Variants in TRIO observed in about 807,000 individuals in gnomAD.
TRIO encodes the protein trio Rho guanine nucleotide exchange factor.
Under a neutral mutation model 351.9 loss-of-function variants are expected in TRIO, and 58 were observed. The ratio of observed to expected loss-of-function variants is 0.16; its 90% CI spans 0.13 to 0.21. The LOEUF (loss-of-function observed/expected upper bound fraction) is 0.21. TRIO is among the 10% of genes least tolerant of loss of function. The pLI is 1.00. For synonymous variants in TRIO, 1,758 were observed against 1,595.7 expected, an observed-to-expected ratio of 1.10 and a Z score of -2.42; for missense variants, 3,201 against 4,027.8, an observed-to-expected ratio of 0.79 and a Z score of 5.56.
intron 53 of TRIO, among the ~76,000 whole-genome samples, chr5:14,501,966 T>C (rs887888883): frequency 8.5e-5 from 13 of 152,234 alleles, no homozygotes; most frequent in Non-Finnish European, 1.8e-4. Context: ...TGCTTTCTGT[T>C]CCTGTGGACA....
intron 11 of TRIO, among the ~76,000 whole-genome samples, 154 bp from the exon 12 acceptor site, chr5:14,358,024 C>CGT (rs1464619047): frequency 6.6e-6 from 1 of 152,130 alleles, no homozygotes; most frequent in African/African-American, 2.4e-5. Context: ...CCCTCCCTCC[C>CGT]GTCCTTCCTT....
intron 1 of TRIO, 43 bp from the exon 2 acceptor site, chr5:14,270,782 C>T (rs757602703): frequency 6.5e-7 from 1 of 1,532,084 alleles, no homozygotes; most frequent in Non-Finnish European, 9.0e-7. Context: ...TTAACTGTCA[C>T]TCTGGCAACC....
chr5:14,389,415 T>C lies in TRIO; in HGVS notation c.4058+17T>C. On this transcript the variant is annotated intron_variant, in intron 25 of 56. Transcript: ENST00000344204. ...TCATAATAAGTGAGTGGCTTTTTCT[T>C]TGGGAGCAGTTACGCTTGAAATCCA... 1 of 1,572,916 alleles carries C rather than the reference T, an allele frequency of 6.4e-7. No individual in the cohort carries two copies. The highest frequency in any genetic ancestry group is 2.3e-5 in the East Asian group (1 of 43,844).
intron 13 of TRIO, among the ~76,000 whole-genome samples, chr5:14,362,490 C>T (rs1324310422): frequency 1.3e-5 from 2 of 152,088 alleles, no homozygotes; most frequent in Non-Finnish European, 1.5e-5. Flanking sequence ...CTCCTTTGTC[C>T]TCCTCCTCTT....
chr5:14,351,429 T>C (rs1349676812), intron 11 of TRIO, among the ~76,000 whole-genome samples: 1 of 152,224 alleles, frequency 6.6e-6, no homozygotes, highest in Middle Eastern at 3.2e-3. Flanking sequence ...GCAGCAGCTC[T>C]GGGAAGCTGT....
chr5:14,235,285 A>G (rs531691441), intron 1 of TRIO, among the ~76,000 whole-genome samples: 51 of 152,334 alleles, frequency 3.3e-4, no homozygotes, highest in African/African-American at 7.5e-4. Context: ...AACTTCATTA[A>G]TACAAACTAA....
intron 34 of TRIO, chr5:14,420,647 C>CGGTGG (rs1326765745): frequency 6.5e-6 from 1 of 153,074 alleles, no homozygotes; most frequent in African/African-American, 2.4e-5. Context: ...TTTGGAACAG[C>CGGTGG]GGTGGGCTTC....
At chr5:14,145,341 C>T (rs879475838) in intron 1 of TRIO, among the ~76,000 whole-genome samples, 1 of 152,160 alleles carries the variant, frequency 6.6e-6, no homozygotes, top group Non-Finnish European at 1.5e-5. Context: ...ATTTTTGATT[C>T]ATTTTAGCAG....
In TRIO at chr5:14,412,239, C is replaced by T. The variant is rs577080961; in HGVS notation, c.4959+5567C>T. Among the ~76,000 whole-genome samples, 17 of 152,252 alleles carry T rather than the reference C, an allele frequency of 1.1e-4. No individual in the cohort carries two copies. In the South Asian group the frequency reaches 2.5e-3, roughly 22 times the overall value. ...CTGACCCCAGGTGATCCACCTGCCT[C>T]GGCCTCCCAAAGTGCTAGGATTACA... On this transcript the variant is annotated intron_variant, in intron 33 of 56. Transcript: ENST00000344204.
At chr5:14,490,815 G>A (rs1170287138) in intron 48 of TRIO, 2 of 455,978 alleles carry the variant, frequency 4.4e-6, no homozygotes, top group Admixed American at 2.3e-5. Flanking sequence ...CAGCTGTGCT[G>A]CAGAAGTTGT....
chr5:14,327,164 TTTGTTG>T (rs760157947), intron 9 of TRIO, among the ~76,000 whole-genome samples: 3 of 152,138 alleles, frequency 2.0e-5, no homozygotes, highest in Middle Eastern at 3.4e-3. Context: ...TTATTTTTAT[TTTGTTG>T]TTGTTGTTGT....
At chr5:14,406,173 A>G in intron 32 of TRIO, 183 bp downstream of exon 32, 2 of 938,082 alleles carry the variant, frequency 2.1e-6, no homozygotes, top group South Asian at 3.5e-5. Flanking sequence ...AAGAGCCTCT[A>G]TTGGCTTAGA....
At chr5:14,390,785 C>T (rs1747013978) in intron 26 of TRIO, 116 bp from the exon 27 acceptor site, 4 of 770,020 alleles carry the variant, frequency 5.2e-6, no homozygotes, top group African/African-American at 1.8e-5. Context: ...AAAATAGAGT[C>T]TCTTCAACTC....
Position 14,316,688 on chromosome 5 carries a change from A to G in TRIO, c.1676A>G (p.Lys559Arg), listed in dbSNP as rs779275458. ...CTGGAGAACATCTGGCAACACCGCA[A>G]GGTCCGGCTGCATCAGAGGCTGCAG... Reference protein sequence around the residue: ...RQLENIWQHRKVRLHQRLQLC... With the variant: ...RQLENIWQHRRVRLHQRLQLC... The change falls in exon 9 of 57, where the codon AAG becomes AGG. Residue 559 changes from lysine (K) to arginine (R), a missense_variant. Lys to Arg is a conservative substitution (Grantham distance 26). Transcript: ENST00000344204. 1 of 1,614,096 alleles carries G rather than the reference A, an allele frequency of 6.2e-7. No individual in the cohort carries two copies.
chr5:14,442,358 G>A (rs1003619912), intron 34 of TRIO, among the ~76,000 whole-genome samples: 10 of 152,128 alleles, frequency 6.6e-5, no homozygotes, highest in Non-Finnish European at 1.5e-4. Context: ...GGTCTTTCGG[G>A]GTGCAGGGAT....
intron 38 of TRIO, among the ~76,000 whole-genome samples, 161 bp from the exon 39 acceptor site, chr5:14,472,431 C>G (rs1754757932): frequency 6.6e-6 from 1 of 152,180 alleles, no homozygotes; most frequent in South Asian, 2.1e-4. Context: ...CCACTTGAAC[C>G]TGTAAGTGAT....
At chr5:14,444,338 A>G (rs769496047) in intron 34 of TRIO, among the ~76,000 whole-genome samples, 1 of 152,228 alleles carries the variant, frequency 6.6e-6, no homozygotes, top group Non-Finnish European at 1.5e-5. Context: ...ACTTGTCACA[A>G]TGTTGGATTG....
intron 6 of TRIO, 110 bp from the exon 7 acceptor site, chr5:14,296,962 G>A: frequency 1.2e-6 from 1 of 801,188 alleles, no homozygotes; most frequent in Non-Finnish European, 2.0e-6. Flanking sequence ...TGGGAGAGAT[G>A]TGATCACTGT....
chr5:14,187,263 T>A (rs1300496454), intron 1 of TRIO, among the ~76,000 whole-genome samples: 1 of 152,246 alleles, frequency 6.6e-6, no homozygotes, highest in Non-Finnish European at 1.5e-5. Context: ...TAACAAGGAC[T>A]ACAGATCTAA....
Sources: allele counts gnomAD v4.1 joint callset (sites outside exome capture counted in the v4.1 genomes callset), GRCh38; gene constraint gnomAD v4.1.1; transcripts MANE v1.5; gene names NCBI Gene and HGNC (gene_info 2026-07-23, HGNC 2026-07-21).